Variants in CLDN10 observed in about 807,000 individuals in gnomAD.
CLDN10 encodes claudin 10, also known as claudin-10.
In CLDN10, 15 loss-of-function variants were observed where a neutral mutation model predicts 22.9. That is an observed-to-expected ratio of 0.65 (90% CI 0.44 to 1.01). The LOEUF (loss-of-function observed/expected upper bound fraction) is 1.01, where lower values mean the gene tolerates loss of function less well. Ranked by LOEUF, CLDN10 falls within the 50% of genes least tolerant of loss-of-function variation. The pLI, the probability that CLDN10 is intolerant of heterozygous loss-of-function variation, is 0.00. For missense variants in CLDN10, 247 were observed against 287.8 expected, an observed-to-expected ratio of 0.86 and a Z score of 1.03; for synonymous variants, 114 against 111.4, an observed-to-expected ratio of 1.02 and a Z score of -0.15.
intron 1 of CLDN10, among the ~76,000 whole-genome samples, chr13:95,510,152 T>C (rs1419640726): frequency 6.6e-6 from 1 of 152,220 alleles, no homozygotes; most frequent in African/African-American, 2.4e-5. Flanking sequence ...AATGTGGTGG[T>C]GTTCCTTCCC....
intron 1 of CLDN10, among the ~76,000 whole-genome samples, chr13:95,440,958 T>A (rs1319619410): frequency 6.6e-6 from 1 of 152,210 alleles, no homozygotes. Context: ...TGTTCTTTCA[T>A]GGAAGCATCA....
At chr13:95,547,622 G>A (rs957756294) in intron 1 of CLDN10, among the ~76,000 whole-genome samples, 2 of 152,174 alleles carry the variant, frequency 1.3e-5, no homozygotes, top group Non-Finnish European at 2.9e-5. Flanking sequence ...ACTTGAAGAA[G>A]TGATGCTGAG....
intron 1 of CLDN10, among the ~76,000 whole-genome samples, chr13:95,554,684 C>G (rs752225252): frequency 6.6e-6 from 1 of 152,158 alleles, no homozygotes; most frequent in South Asian, 2.1e-4. Context: ...TACTGTTGTA[C>G]AACACTTTAA....
upstream of CLDN10, among the ~76,000 whole-genome samples, chr13:95,550,669 A>G (rs2043553562): frequency 1.3e-5 from 2 of 152,176 alleles, no homozygotes; most frequent in Non-Finnish European, 2.9e-5. Context: ...TAGAAATAAT[A>G]GTGGAAATAT....
intron 1 of CLDN10, among the ~76,000 whole-genome samples, chr13:95,468,069 C>T (rs1391281173): frequency 6.6e-6 from 1 of 152,208 alleles, no homozygotes; most frequent in Non-Finnish European, 1.5e-5. Flanking sequence ...AAAACGCCCT[C>T]ACAGAAACAT....
intron 1 of CLDN10, among the ~76,000 whole-genome samples, chr13:95,533,022 G>C (rs2043362045): frequency 6.6e-6 from 1 of 151,944 alleles, no homozygotes; most frequent in African/African-American, 2.4e-5. Context: ...TAGAAAGATA[G>C]TGTTTGTTTC....
At chr13:95,462,673 G>A (rs891262620) in intron 1 of CLDN10, among the ~76,000 whole-genome samples, 1 of 152,140 alleles carries the variant, frequency 6.6e-6, no homozygotes. Flanking sequence ...ACCTGTTTGA[G>A]GCATTAAGTA....
chr13:95,553,086 G>A lies in CLDN10; in HGVS notation c.220+113G>A. On this transcript the variant is annotated intron_variant, in intron 1 of 4. Coordinates refer to ENST00000299339, the MANE Select transcript of CLDN10 (RefSeq NM_006984.5). ...GGACCCCTAGACTGGACTCCTCTGA[G>A]GCCCGACCCGTCTCTCCCAACAGGG... The A allele has an allele frequency of 2.9e-6, 4 of 1,394,114 alleles. No individual in the cohort carries two copies. In the South Asian group the frequency reaches 5.5e-5, roughly 19 times the overall value. The allele number at this position is 1,394,114 out of a possible 1,614,324, so 86.4% of individuals were successfully genotyped here.
chr13:95,556,904 AC>A (rs1412539982), intron 1 of CLDN10, among the ~76,000 whole-genome samples: 1 of 152,264 alleles, frequency 6.6e-6, no homozygotes, highest in Non-Finnish European at 1.5e-5. Flanking sequence ...AAAACACTTA[AC>A]TTTTAAGGAA....
intron 1 of CLDN10, among the ~76,000 whole-genome samples, chr13:95,488,245 A>G (rs2042827414): frequency 6.6e-6 from 1 of 150,538 alleles, no homozygotes; most frequent in African/African-American, 2.4e-5. Context: ...CCCATCTCAA[A>G]AAAAAAAAAA....
intron 1 of CLDN10, among the ~76,000 whole-genome samples, chr13:95,467,200 C>T (rs183839884): frequency 1.3e-5 from 2 of 152,090 alleles, no homozygotes; most frequent in African/African-American, 4.8e-5. Flanking sequence ...TTAACCCATA[C>T]TCCTACTCTT....
At chr13:95,447,958 C>T (rs2042396632) in intron 1 of CLDN10, among the ~76,000 whole-genome samples, 1 of 152,144 alleles carries the variant, frequency 6.6e-6, no homozygotes, top group Non-Finnish European at 1.5e-5. Context: ...GCCGCCTCTC[C>T]CTTGCCAGGC....
chr13:95,433,848 G>A (rs539415703), exon 1 of CLDN10: 1 of 1,614,136 alleles, frequency 6.2e-7, no homozygotes. Flanking sequence ...CCAGGGCGCA[G>A]ATCTGGGCTC....
chr13:95,484,603 G>A (rs2042782345), intron 1 of CLDN10, among the ~76,000 whole-genome samples: 1 of 151,574 alleles, frequency 6.6e-6, no homozygotes, highest in Non-Finnish European at 1.5e-5. Flanking sequence ...AGCACATTGG[G>A]AGGCCAAGGT....
rs748713153 is a variant in CLDN10, at chr13:95,552,984, C to T, written c.220+11C>T. ...TGCTGGCGCTGGACGGTCTGCATCCCCGCGGCCCCCGCCCTCAGCCCTCCT... is the reference window on the plus strand; with the variant it reads ...TGCTGGCGCTGGACGGTCTGCATCCTCGCGGCCCCCGCCCTCAGCCCTCCT... On this transcript the variant is annotated intron_variant, in intron 1 of 4. Coordinates refer to ENST00000299339, the MANE Select transcript of CLDN10 (RefSeq NM_006984.5). 6.2e-7 allele frequency: 1 copy of T among 1,612,998 alleles called. No homozygotes were observed. Among genetic ancestry groups the T allele is most frequent in the South Asian group, 1.1e-5 (1 of 91,008 alleles).
chr13:95,572,508 T>C (rs1006206466), intron 3 of CLDN10, among the ~76,000 whole-genome samples: 5 of 152,212 alleles, frequency 3.3e-5, no homozygotes, highest in East Asian at 1.9e-4. Context: ...GTGATGAAGA[T>C]TGAATATGGT....
chr13:95,434,408 C>G (rs1338063974), intron 1 of CLDN10, among the ~76,000 whole-genome samples: 1 of 150,506 alleles, frequency 6.6e-6, no homozygotes, highest in Non-Finnish European at 1.5e-5. Flanking sequence ...TTGATTTAAA[C>G]TTGTCTCTCC....
At chr13:95,536,490 C>G (rs146590524) in intron 1 of CLDN10, among the ~76,000 whole-genome samples, 1 of 152,076 alleles carries the variant, frequency 6.6e-6, no homozygotes, top group African/African-American at 2.4e-5. Flanking sequence ...ACAATTTATC[C>G]TTAACCATAC....
chr13:95,470,179 A>G (rs1032274121), intron 1 of CLDN10, among the ~76,000 whole-genome samples: 19 of 152,228 alleles, frequency 1.2e-4, no homozygotes, highest in African/African-American at 4.6e-4. Context: ...AATTCTTACC[A>G]GAAATATGCA....
Sources: gnomAD v4.1 joint callset for allele counts (sites outside exome capture counted in the v4.1 genomes callset) on GRCh38, gnomAD v4.1.1 for gene constraint, MANE v1.5 for transcripts, NCBI Gene and HGNC (gene_info 2026-07-23, HGNC 2026-07-21) for gene names.